NCKAP1: variants seen among roughly 807,000 people sequenced by gnomAD.
NCKAP1 encodes the protein NCK associated protein 1, also known as nck-associated protein 1.
In NCKAP1, 21 loss-of-function variants were observed where a neutral mutation model predicts 151.2. The ratio of observed to expected loss-of-function variants is 0.14; its 90% CI spans 0.10 to 0.20. The LOEUF is 0.20. NCKAP1 is among the 10% of genes least tolerant of loss of function. NCKAP1 has a pLI of 1.00. For missense variants in NCKAP1, 933 were observed against 1,352.1 expected, an observed-to-expected ratio of 0.69 and a Z score of 4.86; for synonymous variants, 484 against 451.8, an observed-to-expected ratio of 1.07 and a Z score of -0.90.
chr2:182,983,404 T>C (rs1417372180), intron 10 of NCKAP1, 22 bp from the exon 11 acceptor site: 13 of 1,492,996 alleles, frequency 8.7e-6, no homozygotes, highest in East Asian at 2.3e-5. Flanking sequence ...GACACCATAA[T>C]AGTTTATCTG....
chr2:182,983,230 C>T (rs759264440), intron 11 of NCKAP1, 56 bp downstream of exon 11: 92 of 1,365,376 alleles, frequency 6.7e-5, no homozygotes, highest in Middle Eastern at 1.8e-4. Flanking sequence ...CACTTAGAAA[C>T]GTTTTTTAAA....
chr2:183,017,759 G>C (rs535267396), intron 2 of NCKAP1, among the ~76,000 whole-genome samples: 3 of 152,254 alleles, frequency 2.0e-5, no homozygotes, highest in Admixed American at 2.0e-4. Flanking sequence ...TATGGGGGGA[G>C]AAGTCATTTA....
At chr2:182,969,254 T>A (rs1215747321) in intron 15 of NCKAP1, among the ~76,000 whole-genome samples, 2 of 152,204 alleles carry the variant, frequency 1.3e-5, no homozygotes, top group Non-Finnish European at 1.5e-5. Flanking sequence ...ATATCAAGTA[T>A]CTTCTCTGAC....
intron 6 of NCKAP1, 40 bp downstream of exon 6, chr2:183,001,913 A>G: frequency 6.6e-7 from 1 of 1,526,436 alleles, no homozygotes; most frequent in Middle Eastern, 1.7e-4. Flanking sequence ...ATGCTATGTT[A>G]TATGCCCATT....
chr2:183,037,912 C>A lies in NCKAP1; in HGVS notation c.108+80G>T, dbSNP rs1034816788. The A allele has an allele frequency of 3.5e-6, 4 of 1,132,622 alleles. No homozygotes were observed. In the African/African-American group the frequency reaches 6.5e-5, roughly 19 times the overall value. 70.2% of individuals were successfully genotyped at this position (1,132,622 alleles called of 1,614,324 possible). A position where few individuals can be genotyped will look rare whatever the true frequency, so the allele number is the denominator to read the frequency against. Reference sequence around the variant, plus strand: ...TTCTACACCCGGCGCCTCCTGCCGCCCCCACCCCACGGCCTCCCTTGCCCT... The same window carrying A: ...TTCTACACCCGGCGCCTCCTGCCGCACCCACCCCACGGCCTCCCTTGCCCT... On this transcript the variant is annotated intron_variant, in intron 1 of 30. Transcript: ENST00000361354.
intron 1 of NCKAP1, among the ~76,000 whole-genome samples, chr2:183,035,978 A>G (rs1699094332): frequency 6.6e-6 from 1 of 152,208 alleles, no homozygotes; most frequent in Non-Finnish European, 1.5e-5. Context: ...GTATTTCTTA[A>G]GAAACTAAAA....
chr2:182,977,918 A>C (rs1185597392), intron 14 of NCKAP1, among the ~76,000 whole-genome samples: 4 of 152,214 alleles, frequency 2.6e-5, no homozygotes, highest in Non-Finnish European at 5.9e-5. Flanking sequence ...ACAGTGAAAC[A>C]ATTCTCAAAT....
intron 15 of NCKAP1, among the ~76,000 whole-genome samples, chr2:182,975,154 T>A (rs1483593172): frequency 6.6e-6 from 1 of 152,174 alleles, no homozygotes; most frequent in African/African-American, 2.4e-5. Flanking sequence ...GAAATTCCAC[T>A]TCTTTTTTTT....
chr2:182,982,883 G>T lies in NCKAP1; in HGVS notation c.1146C>A (p.Ile382=). The part of the protein sequence containing the change: ...FMALSFARDE[I]IWLLRHADNM... ...TATCTGCATGACGAAGTAGCCAGAT[G>T]ATTTCATCACGGGCAAAGGATAATG... Residue 382 remains isoleucine, a synonymous_variant, in exon 12 of 31, where the codon ATC becomes ATA. Transcript: ENST00000361354. 6.2e-7 allele frequency: 1 copy of T among 1,611,948 alleles called. No homozygotes were observed. Among genetic ancestry groups the T allele is most frequent in the South Asian group, 1.1e-5 (1 of 90,662 alleles).
chr2:182,964,642 T>A (rs1697527038), intron 17 of NCKAP1, 34 bp downstream of exon 17: 1 of 1,491,270 alleles, frequency 6.7e-7, no homozygotes, highest in African/African-American at 1.4e-5. Flanking sequence ...TTACTTTGCA[T>A]ACCATATAAC....
At chr2:182,985,355 A>G (rs1286058783) in intron 10 of NCKAP1, among the ~76,000 whole-genome samples, 10 of 152,118 alleles carry the variant, frequency 6.6e-5, no homozygotes, top group Non-Finnish European at 1.5e-5. Flanking sequence ...AGTATATCAT[A>G]TATGTAACAA....
In NCKAP1 at chr2:183,002,180, C is replaced by T. The variant is rs746204935; in HGVS notation, c.459G>A (p.Arg153=). Residue 153 remains arginine (R), a synonymous_variant, in exon 5 of 31, where the codon AGG becomes AGA. Transcript: ENST00000361354. ...AGTTGTATAATCCAATGATTGCCTTCCTTTCTTCAATTCGAGACAGCAGTA... is the reference window on the plus strand; with the variant it reads ...AGTTGTATAATCCAATGATTGCCTTTCTTTCTTCAATTCGAGACAGCAGTA... ...LMILLSRIEE[R]KAIIGLYNYA... is the part of the protein sequence containing the mutation. 1.2e-6 allele frequency: 2 copies of T among 1,610,708 alleles called. No individual in the cohort carries two copies. Among genetic ancestry groups the T allele is most frequent in the Non-Finnish European group, 1.7e-6 (2 of 1,177,196 alleles).
At position 182,924,848 on chromosome 2, in the gene NCKAP1, T is replaced by C. The variant is rs551244662; in HGVS notation, c.*854A>G. On this transcript the variant is annotated 3_prime_UTR_variant, in exon 31 of 31. Coordinates refer to ENST00000361354, the MANE Select transcript of NCKAP1 (RefSeq NM_013436.5). ...GTTTAAACAAAAACTTTATTATTAT[T>C]GAACGAATATCCAAGGATCTTAAAG... 6.6e-6 allele frequency: 1 copy of C among 152,308 alleles called. No homozygotes were observed. Among genetic ancestry groups the C allele is most frequent in the East Asian group, 1.9e-4 (1 of 5,196 alleles). 9.4% of individuals were successfully genotyped at this position (152,308 alleles called of 1,614,324 possible).
At chr2:182,988,725 T>C (rs947595597) in intron 9 of NCKAP1, among the ~76,000 whole-genome samples, 2 of 152,220 alleles carry the variant, frequency 1.3e-5, no homozygotes, top group Non-Finnish European at 2.9e-5. Context: ...AAAATGTATA[T>C]GGTACTTTTG....
chr2:182,915,825 T>C lies in NCKAP1; in HGVS notation c.*9877A>G, dbSNP rs1260922663. 6.6e-6 allele frequency: 1 copy of C among 152,192 alleles called. No individual in the cohort carries two copies. Among genetic ancestry groups the C allele is most frequent in the Non-Finnish European group, 1.5e-5 (1 of 68,026 alleles). 9.4% of individuals were successfully genotyped at this position (152,192 alleles called of 1,614,324 possible). ...AGGACAATGACCTGAGTAGTCACTT[T>C]GAAATTTTTCTGATGGCCTCTCTTC... On this transcript the variant is annotated 3_prime_UTR_variant, in exon 31 of 31. Coordinates refer to ENST00000361354, the MANE Select transcript of NCKAP1 (RefSeq NM_013436.5).
intron 30 of NCKAP1, among the ~76,000 whole-genome samples, chr2:182,926,149 C>T (rs1696643243): frequency 6.6e-6 from 1 of 151,642 alleles, no homozygotes; most frequent in African/African-American, 2.4e-5. Flanking sequence ...GTACTATCAA[C>T]TCTACCTGGC....
At chr2:183,034,050 T>C (rs1699055624) in intron 1 of NCKAP1, among the ~76,000 whole-genome samples, 1 of 152,170 alleles carries the variant, frequency 6.6e-6, no homozygotes, top group Non-Finnish European at 1.5e-5. Flanking sequence ...CGCTTCTGCA[T>C]CTGATTGACC....
intron 1 of NCKAP1, among the ~76,000 whole-genome samples, chr2:183,037,486 AG>A (rs139839648): frequency 0.021 from 3,132 of 152,298 alleles, 107 homozygotes; most frequent in African/African-American, 0.072. Flanking sequence ...GGCAAAGTGG[AG>A]GGGATACGGG....
rs1361660829 is a variant in NCKAP1, at chr2:182,911,021, T to A, written c.*14681A>T. On this transcript the variant is annotated 3_prime_UTR_variant, in exon 31 of 31. Transcript: ENST00000361354. ...CTTCAGGGAAACCTTAAAAACTGAG[T>A]TCCCGGCCATGATGGGATGGGAGGT... The A allele has an allele frequency of 7.1e-6, 1 of 139,972 alleles. No homozygotes were observed. The highest frequency in any genetic ancestry group is 2.6e-5 in the African/African-American group (1 of 39,148). The allele number at this position is 139,972 out of a possible 1,614,324, so 8.7% of individuals were successfully genotyped here.
Sources: allele counts gnomAD v4.1 joint callset (sites outside exome capture counted in the v4.1 genomes callset), GRCh38; gene constraint gnomAD v4.1.1; transcripts MANE v1.5; gene names NCBI Gene and HGNC (gene_info 2026-07-23, HGNC 2026-07-21).